The following PCED1B variants were observed in gnomAD, a reference collection of about 807,000 sequenced individuals.
PCED1B encodes PC-esterase domain-containing protein 1B.
For synonymous variants in PCED1B, 251 were observed against 246.1 expected (o/e 1.02, Z -0.19); for missense variants, 573 against 573.9 (o/e 1.00, Z 0.02).
intron 2 of PCED1B, among the ~76,000 whole-genome samples, chr12:47,145,145 A>G (rs761168007): frequency 2.6e-5 from 4 of 152,228 alleles, no homozygotes; most frequent in Non-Finnish European, 5.9e-5. Context: ...AATATTTTAG[A>G]GGTCTGGATA....
At chr12:47,152,221 T>C (rs1447476035) in intron 2 of PCED1B, among the ~76,000 whole-genome samples, 1 of 152,186 alleles carries the variant, frequency 6.6e-6, no homozygotes, top group Non-Finnish European at 1.5e-5. Flanking sequence ...AGATACTTTT[T>C]AGTTACAACA....
intron 2 of PCED1B, among the ~76,000 whole-genome samples, chr12:47,198,830 G>A (rs933331565): frequency 6.6e-6 from 1 of 152,006 alleles, no homozygotes; most frequent in Non-Finnish European, 1.5e-5. Context: ...GCCAGACATG[G>A]TTGCACATGC....
chr12:47,113,907 C>G (rs7971026), intron 2 of PCED1B, among the ~76,000 whole-genome samples: 1 of 151,320 alleles, frequency 6.6e-6, no homozygotes, highest in Non-Finnish European at 1.5e-5. Context: ...GACGAGATTG[C>G]GCCCCTGCAC....
chr12:47,230,678 G>A (rs866976701), intron 3 of PCED1B, among the ~76,000 whole-genome samples: 3 of 152,266 alleles, frequency 2.0e-5, no homozygotes, highest in South Asian at 2.1e-4. Context: ...CTGATCTCAA[G>A]TGATCCACCT....
chr12:47,127,818 G>A (rs1177032740), intron 2 of PCED1B, among the ~76,000 whole-genome samples: 1 of 152,180 alleles, frequency 6.6e-6, no homozygotes, highest in Non-Finnish European at 1.5e-5. Flanking sequence ...TGGGAATTCT[G>A]CTGTTGTTGG....
At chr12:47,094,222 C>T (rs1461594479) in intron 1 of PCED1B, among the ~76,000 whole-genome samples, 1 of 152,060 alleles carries the variant, frequency 6.6e-6, no homozygotes, top group African/African-American at 2.4e-5. Context: ...CCTTACAGTT[C>T]ACATTGTCTG....
At chr12:47,194,444 A>G (rs1942540282) in intron 2 of PCED1B, among the ~76,000 whole-genome samples, 1 of 152,234 alleles carries the variant, frequency 6.6e-6, no homozygotes, top group Non-Finnish European at 1.5e-5. Flanking sequence ...AAGTGCTGGG[A>G]TTACAGGCGT....
chr12:47,087,106 A>T (rs114662767), intron 1 of PCED1B, among the ~76,000 whole-genome samples: 2 of 152,138 alleles, frequency 1.3e-5, no homozygotes, highest in Admixed American at 1.3e-4. Flanking sequence ...TGGCTGCTCC[A>T]TGGGTAATTT....
At chr12:47,141,590 T>A (rs1323492113) in intron 2 of PCED1B, among the ~76,000 whole-genome samples, 1 of 151,996 alleles carries the variant, frequency 6.6e-6, no homozygotes, top group East Asian at 1.9e-4. Context: ...TTGGCCATGG[T>A]CTGAGAGAAG....
intron 3 of PCED1B, among the ~76,000 whole-genome samples, chr12:47,218,260 C>T (rs1410627570): frequency 2.0e-5 from 3 of 152,216 alleles, no homozygotes; most frequent in Admixed American, 2.0e-4. Flanking sequence ...AAACCATGGC[C>T]TGGGGAAAGG....
At chr12:47,234,248 A>G (rs1311112928) in intron 3 of PCED1B, among the ~76,000 whole-genome samples, 1 of 152,174 alleles carries the variant, frequency 6.6e-6, no homozygotes, top group Non-Finnish European at 1.5e-5. Context: ...TCGGCCTCCC[A>G]AAGTGCTGGG....
chr12:47,091,090 AT>A (rs1938246343), intron 1 of PCED1B, among the ~76,000 whole-genome samples: 1 of 152,044 alleles, frequency 6.6e-6, no homozygotes, highest in Non-Finnish European at 1.5e-5. Flanking sequence ...CAGGTTATGC[AT>A]ATGTTCAACT....
chr12:47,120,525 G>T (rs1323349303), intron 2 of PCED1B, among the ~76,000 whole-genome samples: 2 of 152,232 alleles, frequency 1.3e-5, no homozygotes, highest in African/African-American at 4.8e-5. Flanking sequence ...GTACAGGCCA[G>T]ACGCAGTGGC....
chr12:47,203,717 T>C (rs889165327), intron 2 of PCED1B, among the ~76,000 whole-genome samples: 2 of 152,234 alleles, frequency 1.3e-5, no homozygotes, highest in African/African-American at 4.8e-5. Context: ...CTATTACTGA[T>C]GGGCATTTAG....
rs146595577 is a variant in PCED1B at position 47,235,395 on chromosome 12, C to T, written c.332C>T (p.Ser111Leu). The change falls in exon 4 of 4, where the codon TCG (serine) becomes TTG (leucine). Residue 111 changes from serine (S) to leucine (L), a missense_variant. Coordinates refer to ENST00000546455, the MANE Select transcript of PCED1B (RefSeq NM_138371.3). ...CAGACCATCTTGAAAGAGCTGCAGT[C>T]GGGCGAGCACGCCCCCGACCTGGTC... ...YLQTILKELQ[S>L]GEHAPDLVIM... 14 of 1,614,164 alleles carry T rather than the reference C, an allele frequency of 8.7e-6. No homozygotes were observed. Among genetic ancestry groups the T allele is most frequent in the Non-Finnish European group, 1.1e-5 (13 of 1,180,046 alleles).
intron 2 of PCED1B, among the ~76,000 whole-genome samples, chr12:47,108,144 A>G (rs1939037849): frequency 6.6e-6 from 1 of 152,144 alleles, no homozygotes; most frequent in Non-Finnish European, 1.5e-5. Context: ...CAAGATGATG[A>G]GGATTTCCAG....
intron 2 of PCED1B, among the ~76,000 whole-genome samples, chr12:47,175,722 C>T (rs1476705948): frequency 6.6e-6 from 1 of 151,366 alleles, no homozygotes; most frequent in Non-Finnish European, 1.5e-5. Context: ...TACAGGCATC[C>T]GCCACCATGC....
intron 2 of PCED1B, among the ~76,000 whole-genome samples, chr12:47,126,664 T>G (rs1939900245): frequency 6.6e-6 from 1 of 152,168 alleles, no homozygotes; most frequent in African/African-American, 2.4e-5. Context: ...AATTTCAATT[T>G]CAAATTATTT....
chr12:47,107,288 G>A (rs1231366306), intron 2 of PCED1B, among the ~76,000 whole-genome samples: 1 of 152,014 alleles, frequency 6.6e-6, no homozygotes, highest in African/African-American at 2.4e-5. Context: ...ATCTTGGTGG[G>A]GTCAAAGTCT....
Sources: gnomAD v4.1 joint callset for allele counts (sites outside exome capture counted in the v4.1 genomes callset) on GRCh38, gnomAD v4.1.1 for gene constraint, MANE v1.5 for transcripts, NCBI Gene and HGNC (gene_info 2026-07-23, HGNC 2026-07-21) for gene names.